Variants in KLHDC1 observed in about 807,000 individuals in gnomAD.
KLHDC1 encodes kelch domain containing 1.
Under a neutral mutation model 68.3 loss-of-function variants are expected in KLHDC1, and 53 were observed. That is an observed-to-expected ratio of 0.78 (90% CI 0.62 to 0.98). The LOEUF (loss-of-function observed/expected upper bound fraction) is 0.98. Among genes scored for constraint, KLHDC1 ranks in the 50% least tolerant of loss-of-function variants. The pLI, the probability that KLHDC1 is intolerant of heterozygous loss-of-function variation, is 0.00. For missense variants in KLHDC1, 470 were observed against 492.3 expected (o/e 0.95, Z 0.43); for synonymous variants, 148 against 159.0 (o/e 0.93, Z 0.52).
intron 7 of KLHDC1, 69 bp downstream of exon 7, chr14:49,729,078 C>A: frequency 1.9e-6 from 2 of 1,047,982 alleles, no homozygotes; most frequent in Non-Finnish European, 3.0e-6. Flanking sequence ...CCTCTGATTT[C>A]GTGGAATAAT....
At chr14:49,745,513 G>A (rs752958565) in intron 12 of KLHDC1, among the ~76,000 whole-genome samples, 39 of 152,138 alleles carry the variant, frequency 2.6e-4, no homozygotes, top group Admixed American at 3.9e-4. Flanking sequence ...CAAGCTTCCA[G>A]ACTTTTTCTA....
intron 11 of KLHDC1, 106 bp downstream of exon 11, chr14:49,740,288 G>A: frequency 4.7e-6 from 3 of 633,210 alleles, no homozygotes; most frequent in South Asian, 4.2e-5. Context: ...AAATATGAAG[G>A]GCCTGAAATG....
rs1888845233 is a variant in KLHDC1, at chr14:49,732,777, T to C, written c.784T>C (p.Phe262Leu). The change falls in exon 9 of 13, where the codon TTC (phenylalanine) becomes CTC (leucine). Residue 262 changes from phenylalanine to leucine, a missense_variant. By Grantham distance (22) the Phe-to-Leu change is conservative. Transcript: ENST00000359332. The part of the protein sequence containing the change: ...TLTPIADDKL[F>L]LCGGLSADNI... Reference sequence around the variant, plus strand: ...AACACCTATAGCTGATGATAAACTTTTCCTATGTGGTGGACTAAGTGCAGA... The same window carrying C: ...AACACCTATAGCTGATGATAAACTTCTCCTATGTGGTGGACTAAGTGCAGA... 6.2e-7 allele frequency: 1 copy of C among 1,607,416 alleles called. No homozygotes were observed. The highest frequency in any genetic ancestry group is 8.5e-7 in the Non-Finnish European group (1 of 1,174,080).
intron 12 of KLHDC1, among the ~76,000 whole-genome samples, chr14:49,746,198 GA>G (rs770131431): frequency 6.6e-6 from 1 of 152,206 alleles, no homozygotes; most frequent in Non-Finnish European, 1.5e-5. Context: ...TAGAAATGAT[GA>G]GTTTGGTTTT....
At chr14:49,714,378 C>G (rs543903143) in intron 4 of KLHDC1, among the ~76,000 whole-genome samples, 75 of 151,918 alleles carry the variant, frequency 4.9e-4, no homozygotes, top group African/African-American at 1.7e-3. Context: ...GAGGATGAGG[C>G]AGAACAATGG....
At chr14:49,707,643 GC>G (rs1361691329) in intron 1 of KLHDC1, 1 of 103,616 alleles carries the variant, frequency 9.7e-6, no homozygotes, top group Non-Finnish European at 1.9e-5. Context: ...ACTACACCTG[GC>G]CCTTTTTTTT....
chr14:49,739,416 T>C (rs1889006923), intron 10 of KLHDC1, among the ~76,000 whole-genome samples: 1 of 152,138 alleles, frequency 6.6e-6, no homozygotes, highest in Non-Finnish European at 1.5e-5. Flanking sequence ...AGAGGCAATA[T>C]TTGAAAAATA....
At chr14:49,714,312 A>G (rs1888311750) in intron 4 of KLHDC1, among the ~76,000 whole-genome samples, 1 of 151,730 alleles carries the variant, frequency 6.6e-6, no homozygotes, top group African/African-American at 2.4e-5. Context: ...TCTCTACTAA[A>G]AATACAAAAA....
At chr14:49,727,793 A>G (rs1888708705) in intron 6 of KLHDC1, among the ~76,000 whole-genome samples, 1 of 152,218 alleles carries the variant, frequency 6.6e-6, no homozygotes, top group African/African-American at 2.4e-5. Context: ...ACCTCAGCAC[A>G]GTTATTCAAA....
At chr14:49,741,384 C>T (rs1202638655) in intron 11 of KLHDC1, among the ~76,000 whole-genome samples, 1 of 151,744 alleles carries the variant, frequency 6.6e-6, no homozygotes, top group Non-Finnish European at 1.5e-5. Context: ...CGGTTCGCTG[C>T]AGCCTCCACC....
chr14:49,739,831 A>G (rs896857597), intron 10 of KLHDC1, among the ~76,000 whole-genome samples: 6 of 152,204 alleles, frequency 3.9e-5, no homozygotes, highest in Admixed American at 3.3e-4. Flanking sequence ...CAGGAGGATT[A>G]TCTGATCCCA....
chr14:49,705,592 A>T (rs1429044014), intron 1 of KLHDC1, among the ~76,000 whole-genome samples: 1 of 151,594 alleles, frequency 6.6e-6, no homozygotes, highest in African/African-American at 2.4e-5. Flanking sequence ...GCTGCTCTCG[A>T]ACTCCTGACC....
intron 1 of KLHDC1, among the ~76,000 whole-genome samples, chr14:49,707,297 T>TGTGAGAGA (rs926974146): frequency 1.6e-4 from 19 of 120,856 alleles, no homozygotes; most frequent in African/African-American, 5.3e-4. Flanking sequence ...TGTGTGTGTG[T>TGTGAGAGA]GAGAGAGAGA....
chr14:49,722,648 G>A (rs1888557824), intron 4 of KLHDC1, among the ~76,000 whole-genome samples: 2 of 152,162 alleles, frequency 1.3e-5, no homozygotes, highest in South Asian at 2.1e-4. Context: ...CCAAAGACTG[G>A]GCAATTTACA....
chr14:49,744,892 C>G (rs1032016602), intron 12 of KLHDC1, among the ~76,000 whole-genome samples: 6 of 152,216 alleles, frequency 3.9e-5, no homozygotes, highest in African/African-American at 1.4e-4. Context: ...TTTTTAACCC[C>G]AAAGCTAGTA....
intron 12 of KLHDC1, among the ~76,000 whole-genome samples, chr14:49,744,497 A>G (rs561565165): frequency 1.3e-5 from 2 of 152,114 alleles, no homozygotes; most frequent in African/African-American, 4.8e-5. Flanking sequence ...TTATATAGTC[A>G]TTCCTTGGTA....
At chr14:49,726,894 T>G (rs900786249) in intron 6 of KLHDC1, among the ~76,000 whole-genome samples, 1 of 152,226 alleles carries the variant, frequency 6.6e-6, no homozygotes, top group Non-Finnish European at 1.5e-5. Flanking sequence ...GGAGGGAATA[T>G]GGTCCTGGTT....
rs570347762 is a variant in KLHDC1, at chr14:49,727,940, A to G, written c.568-986A>G. On this transcript the variant is annotated intron_variant, in intron 6 of 12. Coordinates refer to ENST00000359332, the MANE Select transcript of KLHDC1 (RefSeq NM_172193.3). The stretch of plus-strand genomic sequence containing the variant: ...TTAAAATACATACATAAAGGCACCC[A>G]CCATGAAAATATGGAAATTATGCAG... Among the ~76,000 whole-genome samples the G allele has an allele frequency of 8.9e-4, 136 of 152,318 alleles. 3 individuals carry two copies. The highest frequency in any genetic ancestry group is 8.1e-3 in the Admixed American group (124 of 15,298).
At chr14:49,724,302 A>G (rs1046248773) in intron 5 of KLHDC1, among the ~76,000 whole-genome samples, 4 of 152,076 alleles carry the variant, frequency 2.6e-5, no homozygotes, top group Non-Finnish European at 5.9e-5. Flanking sequence ...AGATATGTCC[A>G]CTAGAATTAT....
Sources: gnomAD v4.1 joint callset for allele counts (sites outside exome capture counted in the v4.1 genomes callset) on GRCh38, gnomAD v4.1.1 for gene constraint, MANE v1.5 for transcripts, NCBI Gene and HGNC (gene_info 2026-07-23, HGNC 2026-07-21) for gene names.